Variants in SLC35F3 observed in about 807,000 individuals in gnomAD.
The protein encoded by SLC35F3 is solute carrier family 35 member F3, also known as putative thiamine transporter SLC35F3.
Under a neutral mutation model 49.9 loss-of-function variants are expected in SLC35F3, and 25 were observed. The observed-to-expected ratio is 0.50, with a 90% CI of 0.37 to 0.70. The LOEUF (loss-of-function observed/expected upper bound fraction) is 0.70. SLC35F3 is among the 30% of genes least tolerant of loss of function. The pLI, the probability that SLC35F3 is intolerant of heterozygous loss-of-function variation, is 0.00. For synonymous variants in SLC35F3, 275 were observed against 265.4 expected (o/e 1.04, Z -0.35); for missense variants, 525 against 639.8 (o/e 0.82, Z 1.94).
At chr1:234,230,137 C>A (rs1056662560) in intron 2 of SLC35F3, among the ~76,000 whole-genome samples, 1 of 152,110 alleles carries the variant, frequency 6.6e-6, no homozygotes, top group Non-Finnish European at 1.5e-5. Flanking sequence ...ACAGTTTGGC[C>A]CAATAAAGTA....
At chr1:234,071,881 T>G (rs944938679) in intron 2 of SLC35F3, among the ~76,000 whole-genome samples, 1 of 152,144 alleles carries the variant, frequency 6.6e-6, no homozygotes, top group Admixed American at 6.5e-5. Flanking sequence ...GTTAAGAAAC[T>G]CCACTATCCC....
chr1:234,230,385 C>T (rs1318283946), intron 2 of SLC35F3, among the ~76,000 whole-genome samples: 2 of 151,370 alleles, frequency 1.3e-5, no homozygotes, highest in African/African-American at 2.5e-5. Context: ...CCAATATATT[C>T]AGGACTCATC....
chr1:233,975,797 G>C (rs904307800), intron 2 of SLC35F3, among the ~76,000 whole-genome samples: 4 of 152,230 alleles, frequency 2.6e-5, no homozygotes, highest in African/African-American at 9.6e-5. Context: ...GCAGCTCGGA[G>C]GTGCAGGTTG....
chr1:234,052,287 T>G (rs1664389257), intron 2 of SLC35F3, among the ~76,000 whole-genome samples: 2 of 152,150 alleles, frequency 1.3e-5, no homozygotes, highest in Non-Finnish European at 2.9e-5. Context: ...TTTGTTGGTA[T>G]GCTATTAATT....
In SLC35F3 at chr1:234,323,115, G is replaced by A. The variant is rs1443070719; in HGVS notation, c.1345G>A (p.Val449Ile). The part of the protein sequence containing the change: ...LLLLLPEEWD[V>I]WLIKLLTRLK... ...CCTGCTCCTGCCAGAGGAGTGGGAT[G>A]TCTGGTTGATCAAGCTGCTCACCCG... The change falls in exon 8 of 8, where the codon GTC (valine) becomes ATC (isoleucine). Residue 449 changes from valine to isoleucine, a missense_variant. Around this residue, in one of 4 missense-constraint regions of SLC35F3, gnomAD observed 76 missense variants for 95.6 expected, o/e 0.80. Coordinates refer to ENST00000366618, the MANE Select transcript of SLC35F3 (RefSeq NM_173508.4). The surrounding 1 kb of genome is among the most constrained non-coding windows in gnomAD (Gnocchi z 4.5). 1 of 1,614,054 alleles carries A rather than the reference G, an allele frequency of 6.2e-7. No individual in the cohort carries two copies. The highest frequency in any genetic ancestry group is 1.3e-5 in the African/African-American group (1 of 74,914).
chr1:234,121,735 C>T (rs1665577608), intron 2 of SLC35F3, among the ~76,000 whole-genome samples: 1 of 152,054 alleles, frequency 6.6e-6, no homozygotes, highest in African/African-American at 2.4e-5. Flanking sequence ...CCTGACAGGC[C>T]CCGGTGTGTG....
In SLC35F3 at chr1:234,194,211, T is replaced by A. The variant is rs998892557; in HGVS notation, c.284-37206T>A. 3.3e-5 allele frequency among the ~76,000 whole-genome samples: 5 copies of A among 152,218 alleles called. No individual in the cohort carries two copies. In the East Asian group the frequency reaches 9.6e-4, roughly 29 times the overall value. ...GCAAAAAATATGGAACCAGCCCTAATGCTCATCAATCAATGAGTGGATAAA... is the reference window on the plus strand; with the variant it reads ...GCAAAAAATATGGAACCAGCCCTAAAGCTCATCAATCAATGAGTGGATAAA... On this transcript the variant is annotated intron_variant, in intron 2 of 7. Coordinates refer to ENST00000366618, the MANE Select transcript of SLC35F3 (RefSeq NM_173508.4).
intron 2 of SLC35F3, among the ~76,000 whole-genome samples, chr1:233,987,192 A>C (rs1663279184): frequency 6.6e-6 from 1 of 152,158 alleles, no homozygotes; most frequent in South Asian, 2.1e-4. Flanking sequence ...CCAGAGGCTG[A>C]GGCACAAGAA....
At chr1:233,991,338 A>G (rs1392836493) in intron 2 of SLC35F3, among the ~76,000 whole-genome samples, 1 of 152,126 alleles carries the variant, frequency 6.6e-6, no homozygotes, top group Non-Finnish European at 1.5e-5. Context: ...TTGTGATTTG[A>G]ATGTTCTTGA....
In SLC35F3 at chr1:234,316,735, C is replaced by T. The variant is rs752218141; in HGVS notation, c.954+8C>T. Reference sequence around the variant, plus strand: ...ATGTCTGCCCTCTACAAGGTACGCCCGGGGAGTGAACTTTCTCAGCTGGCT... The same window carrying T: ...ATGTCTGCCCTCTACAAGGTACGCCTGGGGAGTGAACTTTCTCAGCTGGCT... On this transcript the variant is annotated splice_region_variant and intron_variant, in intron 5 of 7. Coordinates refer to ENST00000366618, the MANE Select transcript of SLC35F3 (RefSeq NM_173508.4). 2.6e-5 allele frequency: 41 copies of T among 1,593,964 alleles called. No homozygotes were observed. In the East Asian group the frequency reaches 5.7e-4, roughly 22 times the overall value.
rs1262445993 is a variant in SLC35F3 at position 233,904,714 on chromosome 1, C to T, written c.-364C>T. The stretch of plus-strand genomic sequence containing the variant: ...CCCGCCCGACCAGGTGCCTCGAGAG[C>T]GCACAGCTGGGAGGGCTCTCCCGGT... On this transcript the variant is annotated 5_prime_UTR_variant, in exon 1 of 8. Coordinates refer to ENST00000366618, the MANE Select transcript of SLC35F3 (RefSeq NM_173508.4). 6.6e-6 allele frequency among the ~76,000 whole-genome samples: 1 copy of T among 151,966 alleles called. No individual in the cohort carries two copies. The highest frequency in any genetic ancestry group is 2.1e-4 in the South Asian group (1 of 4,834).
intron 2 of SLC35F3, among the ~76,000 whole-genome samples, chr1:233,991,282 C>T (rs1663350568): frequency 6.6e-6 from 1 of 152,052 alleles, no homozygotes; most frequent in South Asian, 2.1e-4. Flanking sequence ...AAATCATCTC[C>T]CACAAATGCT....
chr1:233,997,820 T>G (rs985546661), intron 2 of SLC35F3, among the ~76,000 whole-genome samples: 1 of 152,088 alleles, frequency 6.6e-6, no homozygotes, highest in Non-Finnish European at 1.5e-5. Flanking sequence ...GGCACAATCT[T>G]GGCTCACTGC....
chr1:234,049,801 C>T (rs1433931114), intron 2 of SLC35F3, among the ~76,000 whole-genome samples: 3 of 152,082 alleles, frequency 2.0e-5, no homozygotes, highest in African/African-American at 7.2e-5. Context: ...CCCAACCCCA[C>T]GACGGGCCCC....
At chr1:234,093,871 G>A (rs746731839) in intron 2 of SLC35F3, among the ~76,000 whole-genome samples, 20 of 152,240 alleles carry the variant, frequency 1.3e-4, no homozygotes, top group Non-Finnish European at 2.1e-4. Context: ...ATCCAAGTAG[G>A]ATGGGCAAGA....
chr1:234,028,393 C>G (rs980543269), intron 2 of SLC35F3, among the ~76,000 whole-genome samples: 1 of 152,208 alleles, frequency 6.6e-6, no homozygotes, highest in Non-Finnish European at 1.5e-5. Flanking sequence ...TTTCTGGGTG[C>G]TGTCGTGCTC....
chr1:234,259,660 C>T (rs914210449), intron 3 of SLC35F3, among the ~76,000 whole-genome samples: 9 of 151,510 alleles, frequency 5.9e-5, no homozygotes, highest in South Asian at 2.1e-4. Context: ...GGTGACAAAG[C>T]GAGACTCCAT....
intron 2 of SLC35F3, among the ~76,000 whole-genome samples, chr1:234,039,325 A>T (rs1168584657): frequency 6.6e-6 from 1 of 152,226 alleles, no homozygotes. Flanking sequence ...GTTTCCCCTA[A>T]GAAGTCCATC....
intron 2 of SLC35F3, among the ~76,000 whole-genome samples, chr1:234,107,252 C>T (rs1665297714): frequency 6.6e-6 from 1 of 152,198 alleles, no homozygotes; most frequent in African/African-American, 2.4e-5. Context: ...AATGGCCAAA[C>T]AACCATTTTA....
Sources: allele counts gnomAD v4.1 joint callset (sites outside exome capture counted in the v4.1 genomes callset), GRCh38; gene constraint gnomAD v4.1.1; regional missense constraint gnomAD v4.1.1; non-coding constraint Gnocchi (gnomAD v3.1); transcripts MANE v1.5; gene names NCBI Gene and HGNC (gene_info 2026-07-23, HGNC 2026-07-21).